WBP1L: variants seen among roughly 807,000 people sequenced by gnomAD.
WBP1L encodes WW domain binding protein 1 like, also known as WW domain binding protein 1-like.
Under a neutral mutation model 33.7 loss-of-function variants are expected in WBP1L, and 17 were observed. The ratio of observed to expected loss-of-function variants is 0.50; its 90% confidence interval spans 0.34 to 0.76. WBP1L has a LOEUF of 0.76. WBP1L is among the 30% of genes least tolerant of loss of function. The probability of loss-of-function intolerance (pLI) is 0.01; values close to 1 mark genes in which losing one functional copy is unlikely to be tolerated. For missense variants in WBP1L, 389 were observed against 469.4 expected, an observed-to-expected ratio of 0.83 and a Z score of 1.58; for synonymous variants, 173 against 190.8, an observed-to-expected ratio of 0.91 and a Z score of 0.77.
At chr10:102,769,220 A>G (rs1843154464) in intron 1 of WBP1L, among the ~76,000 whole-genome samples, 1 of 152,200 alleles carries the variant, frequency 6.6e-6, no homozygotes, top group South Asian at 2.1e-4. Flanking sequence ...CCTGGCCTCA[A>G]GTGATCATCC....
At chr10:102,760,674 CGA>C (rs1156299824) in intron 1 of WBP1L, among the ~76,000 whole-genome samples, 1 of 151,850 alleles carries the variant, frequency 6.6e-6, no homozygotes, top group African/African-American at 2.4e-5. Context: ...CGTGCCTGGC[CGA>C]GTCTTCCTTA....
intron 1 of WBP1L, 95 bp from the exon 2 acceptor site, chr10:102,797,898 G>A (rs1843595706): frequency 1.8e-6 from 2 of 1,128,010 alleles, no homozygotes; most frequent in African/African-American, 1.5e-5. Flanking sequence ...ACTGTTTTGG[G>A]GGCTGGTGAA....
intron 1 of WBP1L, among the ~76,000 whole-genome samples, chr10:102,753,372 T>C (rs1227106049): frequency 6.6e-6 from 1 of 152,178 alleles, no homozygotes; most frequent in Non-Finnish European, 1.5e-5. Flanking sequence ...GAAAACTGCA[T>C]GCTATGTGGA....
chr10:102,784,175 C>A (rs910623165), intron 1 of WBP1L, among the ~76,000 whole-genome samples: 1 of 152,018 alleles, frequency 6.6e-6, no homozygotes, highest in Non-Finnish European at 1.5e-5. Context: ...GATTACTACC[C>A]CCCAGGAGGA....
At chr10:102,808,855 G>A (rs534339206) in intron 2 of WBP1L, among the ~76,000 whole-genome samples, 7 of 142,340 alleles carry the variant, frequency 4.9e-5, no homozygotes, top group African/African-American at 1.8e-4. Flanking sequence ...CTTCTGAGTT[G>A]CGGGGGAGGG....
intron 1 of WBP1L, among the ~76,000 whole-genome samples, chr10:102,762,936 G>A (rs186792123): frequency 2.8e-4 from 43 of 152,274 alleles, no homozygotes; most frequent in Admixed American, 1.2e-3. Context: ...TGGGTGCAGT[G>A]GCTCACGCTT....
At chr10:102,792,584 TTTC>T (rs1843516269) in intron 1 of WBP1L, among the ~76,000 whole-genome samples, 1 of 145,064 alleles carries the variant, frequency 6.9e-6, no homozygotes, top group African/African-American at 2.5e-5. Context: ...TACTTTTTTT[TTTC>T]TTTTCTTTTT....
In WBP1L at chr10:102,779,228, G is replaced by A. The variant is rs566249732; in HGVS notation, c.91-18765G>A. Reference sequence around the variant, plus strand: ...GGAGAATCGCTTAAACCCGGGAGGGGAAGGTTGCAGTGAGCCGAGAGGCCC... The same window carrying A: ...GGAGAATCGCTTAAACCCGGGAGGGAAAGGTTGCAGTGAGCCGAGAGGCCC... On this transcript the variant is annotated intron_variant, in intron 1 of 3. Coordinates refer to ENST00000448841, the MANE Select transcript of WBP1L (RefSeq NM_001083913.2). Among the ~76,000 whole-genome samples, 484 of 151,524 alleles carry A rather than the reference G, an allele frequency of 3.2e-3. 4 individuals carry two copies. Among genetic ancestry groups the A allele is most frequent in the Non-Finnish European group, 5.0e-3 (340 of 67,820 alleles).
chr10:102,802,643 G>A (rs1843674512), intron 2 of WBP1L, among the ~76,000 whole-genome samples: 1 of 152,076 alleles, frequency 6.6e-6, no homozygotes, highest in Admixed American at 6.6e-5. Flanking sequence ...TTACAGGTGT[G>A]CGCCAGCATG....
At chr10:102,752,850 T>C (rs1393917637) in intron 1 of WBP1L, among the ~76,000 whole-genome samples, 2 of 152,180 alleles carry the variant, frequency 1.3e-5, no homozygotes, top group Non-Finnish European at 2.9e-5. Flanking sequence ...AGGGTGGCTG[T>C]GTCTTGAGGA....
intron 2 of WBP1L, among the ~76,000 whole-genome samples, chr10:102,809,649 A>C (rs1201255649): frequency 1.3e-5 from 2 of 152,208 alleles, no homozygotes; most frequent in Non-Finnish European, 2.9e-5. Flanking sequence ...GGCATGAGCC[A>C]CCACGCCCGG....
chr10:102,744,613 T>C (rs1842842702), intron 1 of WBP1L, among the ~76,000 whole-genome samples: 1 of 151,974 alleles, frequency 6.6e-6, no homozygotes, highest in African/African-American at 2.4e-5. Flanking sequence ...TTAGTACGTT[T>C]AAAAAAAATT....
chr10:102,747,358 C>CAAAAA (rs71019610), intron 1 of WBP1L, among the ~76,000 whole-genome samples: 26 of 78,922 alleles, frequency 3.3e-4, no homozygotes, highest in African/African-American at 4.9e-4. Flanking sequence ...GACTCCGTCT[C>CAAAAA]AAAAAAAAAA....
intron 1 of WBP1L, chr10:102,776,415 C>T (rs1210668384): frequency 1.2e-6 from 2 of 1,614,000 alleles, no homozygotes; most frequent in Admixed American, 3.3e-5. Flanking sequence ...GGGTCTTAGA[C>T]AGGTAATTGT....
rs1843887360 is a variant in WBP1L, at chr10:102,813,849, T to C, written c.*518T>C. The C allele has an allele frequency of 6.4e-6, 1 of 157,092 alleles. No individual in the cohort carries two copies. The allele number at this position is 157,092 out of a possible 1,614,324, so 9.7% of individuals were successfully genotyped here. On this transcript the variant is annotated 3_prime_UTR_variant, in exon 4 of 4. Transcript: ENST00000448841. ...CTGCCAGTGTCTGCCAAGCCAGCAT[T>C]GAGCTAATCCTGTGGGAGGATGAGA... is the stretch of plus-strand genomic sequence containing the variant.
chr10:102,775,141 A>AG (rs1843242180), intron 1 of WBP1L, among the ~76,000 whole-genome samples: 1 of 132,592 alleles, frequency 7.5e-6, no homozygotes. Context: ...AAAAAAAAAA[A>AG]GTAACTTTCG....
At chr10:102,770,731 ACAC>A (rs555309921) in intron 1 of WBP1L, among the ~76,000 whole-genome samples, 97 of 152,304 alleles carry the variant, frequency 6.4e-4, no homozygotes, top group Non-Finnish European at 1.1e-3. Flanking sequence ...ACACTCCAGA[ACAC>A]CACCATCATA....
chr10:102,745,405 AACATTTTCATC>A (rs1842853903), intron 1 of WBP1L, among the ~76,000 whole-genome samples: 2 of 152,176 alleles, frequency 1.3e-5, no homozygotes. Context: ...CTAGTTCCAA[AACATTTTCATC>A]ACCCCAATAG....
At chr10:102,792,072 A>C (rs1843507713) in intron 1 of WBP1L, among the ~76,000 whole-genome samples, 1 of 152,362 alleles carries the variant, frequency 6.6e-6, no homozygotes, top group Admixed American at 6.5e-5. Context: ...GCATATGTGC[A>C]AAAGGCATAC....
Sources: allele counts gnomAD v4.1 joint callset (sites outside exome capture counted in the v4.1 genomes callset), GRCh38; gene constraint gnomAD v4.1.1; transcripts MANE v1.5; gene names NCBI Gene and HGNC (gene_info 2026-07-23, HGNC 2026-07-21).